The following ALG14 variants were observed in gnomAD, a reference collection of about 807,000 sequenced individuals.
ALG14 encodes the protein UDP-N-acetylglucosamine transferase subunit ALG14.
A neutral mutation model predicts 22.8 loss-of-function variants in ALG14; 17 were observed. That is an observed-to-expected ratio of 0.75 (90% CI 0.51 to 1.12). ALG14 has a LOEUF of 1.12. ALG14 is among the 50% of genes most tolerant of loss of function. The pLI, the probability that ALG14 is intolerant of heterozygous loss-of-function variation, is 0.00. For synonymous variants in ALG14, 89 were observed against 103.7 expected (o/e 0.86, Z 0.86); for missense variants, 288 against 271.8 (o/e 1.06, Z -0.42).
chr1:94,991,389 A>G (rs563042326), intron 3 of ALG14, among the ~76,000 whole-genome samples: 2 of 152,390 alleles, frequency 1.3e-5, no homozygotes, highest in African/African-American at 2.4e-5. Flanking sequence ...ATAGCCTACT[A>G]CTTCTCCTAG....
intron 1 of ALG14, among the ~76,000 whole-genome samples, chr1:95,071,606 T>C (rs546428389): frequency 6.6e-6 from 1 of 152,286 alleles, no homozygotes; most frequent in Admixed American, 6.5e-5. Context: ...CCTCCCTACA[T>C]TGAACTCTAC....
At chr1:95,035,247 C>A (rs997840754) in intron 2 of ALG14, among the ~76,000 whole-genome samples, 1 of 152,056 alleles carries the variant, frequency 6.6e-6, no homozygotes, top group Non-Finnish European at 1.5e-5. Flanking sequence ...CTTTGTAGTT[C>A]AATGTGTATA....
At chr1:95,006,531 T>C (rs990746128) in intron 3 of ALG14, among the ~76,000 whole-genome samples, 3 of 152,252 alleles carry the variant, frequency 2.0e-5, no homozygotes, top group African/African-American at 7.2e-5. Context: ...TTATTGGCCA[T>C]AGGAGATCTG....
At chr1:95,055,018 C>A (rs1361045853) in intron 2 of ALG14, among the ~76,000 whole-genome samples, 1 of 152,088 alleles carries the variant, frequency 6.6e-6, no homozygotes, top group Non-Finnish European at 1.5e-5. Context: ...ACGTACTTGG[C>A]CATATAAACA....
chr1:94,974,734 T>C lies in ALG14; in HGVS notation c.*8342A>G, dbSNP rs1053169191. Reference sequence around the variant, plus strand: ...GAAAGGTTATTTTTCTAATTACCTATTGCTTTGTGACAAATTATTCCAAAA... The same window carrying C: ...GAAAGGTTATTTTTCTAATTACCTACTGCTTTGTGACAAATTATTCCAAAA... On this transcript the variant is annotated 3_prime_UTR_variant, in exon 4 of 4. Coordinates refer to ENST00000370205, the MANE Select transcript of ALG14 (RefSeq NM_144988.4). 10 of 152,342 alleles carry C rather than the reference T, an allele frequency of 6.6e-5. No individual in the cohort carries two copies. The highest frequency in any genetic ancestry group is 3.3e-4 in the Admixed American group (5 of 15,300). The allele number at this position is 152,342 out of a possible 1,614,324, so 9.4% of individuals were successfully genotyped here.
Position 95,017,871 on chromosome 1 carries a change from G to A in ALG14, c.420+9258C>T, listed in dbSNP as rs150761125. Among the ~76,000 whole-genome samples the A allele has an allele frequency of 8.7e-4, 132 of 152,296 alleles. No homozygotes were observed. In the Middle Eastern group the frequency reaches 0.031, roughly 35 times the overall value. ...GGAGCTCCAAGGATCATATGTCCTG[G>A]CAGGAGGTGAGCAGAAGTAAGTGGT... On this transcript the variant is annotated intron_variant, in intron 3 of 3. Coordinates refer to ENST00000370205, the MANE Select transcript of ALG14 (RefSeq NM_144988.4).
At chr1:95,049,287 CGTTGG>C (rs889639538) in intron 2 of ALG14, among the ~76,000 whole-genome samples, 8 of 152,044 alleles carry the variant, frequency 5.3e-5, no homozygotes, top group Non-Finnish European at 2.9e-5. Flanking sequence ...AATCCCAGCA[CGTTGG>C]GAGGTGAAAA....
At chr1:95,021,014 G>A (rs916939877) in intron 3 of ALG14, among the ~76,000 whole-genome samples, 3 of 152,146 alleles carry the variant, frequency 2.0e-5, no homozygotes, top group African/African-American at 2.4e-5. Flanking sequence ...TTTTCTTATG[G>A]TGCTTTGATA....
At position 94,992,660 on chromosome 1, in the gene ALG14, T is replaced by A. The variant is rs574040723; in HGVS notation, c.421-9354A>T. 2.6e-5 allele frequency among the ~76,000 whole-genome samples: 4 copies of A among 152,240 alleles called. No homozygotes were observed. In the East Asian group the frequency reaches 7.7e-4, roughly 29 times the overall value. ...TCTGAACTTCTTGTAGTGAATAACC[T>A]AAACAAAGATGCAGGGCAAGACAGA... On this transcript the variant is annotated intron_variant, in intron 3 of 3. Coordinates refer to ENST00000370205, the MANE Select transcript of ALG14 (RefSeq NM_144988.4).
At chr1:95,032,756 G>A (rs1293936487) in intron 2 of ALG14, among the ~76,000 whole-genome samples, 1 of 152,194 alleles carries the variant, frequency 6.6e-6, no homozygotes, top group East Asian at 1.9e-4. Context: ...CATCCTGACA[G>A]GGACAGTGCC....
At chr1:95,047,016 C>G (rs573265481) in intron 2 of ALG14, among the ~76,000 whole-genome samples, 33 of 146,136 alleles carry the variant, frequency 2.3e-4, no homozygotes, top group African/African-American at 7.8e-4. Context: ...CATAACATAA[C>G]ATAACATAAC....
chr1:95,072,677 T>A (rs1051567355), intron 1 of ALG14, 86 bp downstream of exon 1: 10 of 1,548,422 alleles, frequency 6.5e-6, no homozygotes, highest in African/African-American at 1.4e-5. Context: ...CAAGAAGTGC[T>A]AAGGGTACCA....
chr1:95,072,236 G>A (rs11585462), intron 1 of ALG14, among the ~76,000 whole-genome samples: 52,893 of 152,086 alleles, frequency 0.35, 10,523 homozygotes, highest in Middle Eastern at 0.45. Context: ...TACAGAGTTG[G>A]TGGATTTAGA....
At chr1:95,030,020 T>C (rs1254194557) in intron 2 of ALG14, among the ~76,000 whole-genome samples, 8 of 152,200 alleles carry the variant, frequency 5.3e-5, no homozygotes, top group African/African-American at 1.9e-4. Context: ...TTTATGCTCA[T>C]CTAAGTTGTG....
At chr1:95,071,114 G>A (rs561426472) in intron 1 of ALG14, among the ~76,000 whole-genome samples, 22 of 152,264 alleles carry the variant, frequency 1.4e-4, no homozygotes, top group African/African-American at 4.1e-4. Flanking sequence ...AAGGTTCAGC[G>A]AGGTTAACTA....
At chr1:95,056,516 G>A (rs1214253211) in intron 2 of ALG14, among the ~76,000 whole-genome samples, 3 of 151,720 alleles carry the variant, frequency 2.0e-5, no homozygotes, top group Admixed American at 6.6e-5. Flanking sequence ...GTGGTGGTGC[G>A]CTCCCATAGT....
rs140860100 is a variant in ALG14, at chr1:95,033,456, T to C, written c.289-6196A>G. On this transcript the variant is annotated intron_variant, in intron 2 of 3. Coordinates refer to ENST00000370205, the MANE Select transcript of ALG14 (RefSeq NM_144988.4). ...ACACACACACACACATACATATATA[T>C]ACACACACACACACATATATATATA... is the stretch of plus-strand genomic sequence containing the variant. Among the ~76,000 whole-genome samples, 327 of 148,674 alleles carry C rather than the reference T, an allele frequency of 2.2e-3. 2 individuals are homozygous for C. The highest frequency in any genetic ancestry group is 7.5e-3 in the African/African-American group (304 of 40,300).
Position 94,981,703 on chromosome 1 carries a change from C to CTTTTT in ALG14, c.*1372_*1373insAAAAA, listed in dbSNP as rs1672498651. On this transcript the variant is annotated 3_prime_UTR_variant, in exon 4 of 4. Transcript: ENST00000370205. ...GTTTTGTTTTTTTTTTTTTTGGCTG[C>CTTTTT]TTTGTTAAAGAAGCAGAGGTTAGAG... 1 of 136,534 alleles carries CTTTTT rather than the reference C, an allele frequency of 7.3e-6. No individual in the cohort carries two copies. The highest frequency in any genetic ancestry group is 1.6e-5 in the Non-Finnish European group (1 of 63,456). 8.5% of individuals were successfully genotyped at this position (136,534 alleles called of 1,614,324 possible). A position where few individuals can be genotyped will look rare whatever the true frequency, so the allele number is the denominator to read the frequency against.
intron 2 of ALG14, among the ~76,000 whole-genome samples, chr1:95,047,394 A>G: frequency 6.6e-6 from 1 of 152,062 alleles, no homozygotes; most frequent in Middle Eastern, 3.2e-3. Context: ...CCCAGGTTGG[A>G]GTGCAGTGGC....
Sources: allele counts gnomAD v4.1 joint callset (sites outside exome capture counted in the v4.1 genomes callset), GRCh38; gene constraint gnomAD v4.1.1; transcripts MANE v1.5; gene names NCBI Gene and HGNC (gene_info 2026-07-23, HGNC 2026-07-21).